ADCY8: variants seen among roughly 807,000 people sequenced by gnomAD.
ADCY8 encodes adenylate cyclase type 8.
A neutral mutation model predicts 119.7 loss-of-function variants in ADCY8; 51 were observed. That is an observed-to-expected ratio of 0.43 (90% CI 0.34 to 0.54). The LOEUF (loss-of-function observed/expected upper bound fraction) is 0.54, where lower values mean the gene tolerates loss of function less well. Ranked by LOEUF, ADCY8 falls within the 20% of genes least tolerant of loss-of-function variation. The pLI is 0.03. For synonymous variants in ADCY8, 665 were observed against 651.0 expected (o/e 1.02, Z -0.33); for missense variants, 1,383 against 1,598.8 (o/e 0.87, Z 2.30).
At chr8:130,799,976 G>A (rs1815719518) in intron 15 of ADCY8, among the ~76,000 whole-genome samples, 2 of 152,202 alleles carry the variant, frequency 1.3e-5, no homozygotes, top group Admixed American at 1.3e-4. Flanking sequence ...GAGCCTGGAG[G>A]AAGAAACCGC....
chr8:131,009,215 G>T (rs1044813088), intron 1 of ADCY8, among the ~76,000 whole-genome samples: 2 of 152,178 alleles, frequency 1.3e-5, no homozygotes, highest in African/African-American at 4.8e-5. Context: ...CCCATCACAG[G>T]CCTGGAGGCC....
At chr8:130,917,644 G>A (rs1009297575) in intron 5 of ADCY8, among the ~76,000 whole-genome samples, 8 of 152,182 alleles carry the variant, frequency 5.3e-5, no homozygotes, top group Admixed American at 3.3e-4. Flanking sequence ...TGTGCGCCAA[G>A]TCAGCATTTC....
intron 8 of ADCY8, among the ~76,000 whole-genome samples, chr8:130,870,458 C>T (rs960523361): frequency 6.6e-6 from 1 of 152,170 alleles, no homozygotes; most frequent in Non-Finnish European, 1.5e-5. Context: ...TTGATGTCTC[C>T]TCAAATGTCT....
rs367984130 is a variant in ADCY8 at position 130,857,040 on chromosome 8, A to G, written c.2211-7237T>C. On this transcript the variant is annotated intron_variant, in intron 9 of 17. Transcript: ENST00000286355. ...TAAAGTGTCTGCCTTTGTAATGACC[A>G]TCAATTCCTGAAATAGAACTTTGCA... Among the ~76,000 whole-genome samples, 28 of 148,880 alleles carry G rather than the reference A, an allele frequency of 1.9e-4. No homozygotes were observed. The South Asian group carries it at 6.2e-3, about 33-fold the overall frequency.
At chr8:130,994,288 G>A (rs1296855269) in intron 1 of ADCY8, among the ~76,000 whole-genome samples, 1 of 152,194 alleles carries the variant, frequency 6.6e-6, no homozygotes, top group Non-Finnish European at 1.5e-5. Context: ...TTCTTAAAAT[G>A]AGTGATCCAT....
At chr8:130,878,536 G>A (rs143233836) in intron 8 of ADCY8, among the ~76,000 whole-genome samples, 2 of 152,248 alleles carry the variant, frequency 1.3e-5, no homozygotes, top group East Asian at 1.9e-4. Context: ...TGACCAGCCC[G>A]AGTCTCATGC....
intron 5 of ADCY8, 76 bp from the exon 6 acceptor site, chr8:130,909,942 T>TC: frequency 2.1e-6 from 2 of 960,362 alleles, no homozygotes; most frequent in Non-Finnish European, 2.8e-6. Context: ...TTTCTTTTCT[T>TC]TTTTTTTTTT....
chr8:131,039,760 T>G lies in ADCY8; in HGVS notation c.574A>C (p.Thr192Pro). 6.2e-7 allele frequency: 1 copy of G among 1,614,100 alleles called. No homozygotes were observed. Among genetic ancestry groups the G allele is most frequent in the Non-Finnish European group, 8.5e-7 (1 of 1,180,010 alleles). Residue 192 changes from threonine to proline, a missense_variant, in exon 1 of 18, where the codon ACC becomes CCC. By Grantham distance (38) the Thr-to-Pro change is conservative. Around this residue, in one of 2 missense-constraint regions of ADCY8, gnomAD observed 455 missense variants for 435.3 expected, o/e 1.05. Transcript: ENST00000286355. ...EVVMNVLDVL[T>P]KLTLLVLHLS... ...TGTAGGACCAAGAGAGTGAGTTTGG[T>G]CAGCACGTCCAGCACGTTCATCACC...
intron 3 of ADCY8, among the ~76,000 whole-genome samples, chr8:130,948,058 C>T (rs1474938005): frequency 6.6e-6 from 1 of 152,168 alleles, no homozygotes; most frequent in Non-Finnish European, 1.5e-5. Context: ...TCTGCTTCCC[C>T]TTCCAATAAC....
chr8:130,870,330 A>G (rs1383908972), intron 8 of ADCY8, among the ~76,000 whole-genome samples: 2 of 151,800 alleles, frequency 1.3e-5, no homozygotes, highest in East Asian at 3.9e-4. Flanking sequence ...CTTTTATGTC[A>G]TCCACCCATC....
chr8:130,827,699 G>C (rs1256812063), intron 12 of ADCY8, among the ~76,000 whole-genome samples: 1 of 152,108 alleles, frequency 6.6e-6, no homozygotes, highest in Non-Finnish European at 1.5e-5. Flanking sequence ...ACAAGCCCAG[G>C]TGTCTACCCC....
chr8:131,028,973 G>C (rs1218542353), intron 1 of ADCY8, among the ~76,000 whole-genome samples: 2 of 152,308 alleles, frequency 1.3e-5, no homozygotes, highest in East Asian at 3.9e-4. Context: ...CAGTGTGCTT[G>C]CACAGCAGGT....
intron 2 of ADCY8, among the ~76,000 whole-genome samples, chr8:130,987,892 A>T (rs1000729371): frequency 2.6e-5 from 4 of 152,218 alleles, no homozygotes; most frequent in Non-Finnish European, 4.4e-5. Context: ...ATCCATAATA[A>T]ATTCTCACAT....
At chr8:131,025,967 G>T (rs189367218) in intron 1 of ADCY8, among the ~76,000 whole-genome samples, 1 of 152,136 alleles carries the variant, frequency 6.6e-6, no homozygotes, top group Non-Finnish European at 1.5e-5. Context: ...TTAATAGCAG[G>T]ATCCTGGATT....
intron 1 of ADCY8, among the ~76,000 whole-genome samples, chr8:131,014,759 G>A (rs139069528): frequency 6.6e-6 from 1 of 152,270 alleles, no homozygotes; most frequent in Non-Finnish European, 1.5e-5. Context: ...GAATGGTAAT[G>A]GGACTTACTT....
chr8:130,872,584 A>G (rs548600381), intron 8 of ADCY8, among the ~76,000 whole-genome samples: 1 of 152,264 alleles, frequency 6.6e-6, no homozygotes, highest in Non-Finnish European at 1.5e-5. Flanking sequence ...AGTAAAGCAT[A>G]TGGGCAAAGA....
At chr8:130,968,248 C>T (rs935319721) in intron 2 of ADCY8, among the ~76,000 whole-genome samples, 13 of 151,868 alleles carry the variant, frequency 8.6e-5, no homozygotes, top group Admixed American at 5.9e-4. Context: ...CCGCTCACTG[C>T]AAGCTCTGCC....
chr8:130,855,985 C>T (rs140019599), intron 9 of ADCY8, among the ~76,000 whole-genome samples: 48 of 152,218 alleles, frequency 3.2e-4, no homozygotes, highest in African/African-American at 1.0e-3. Context: ...AATGAAGACT[C>T]CTCTGCCAAC....
intron 2 of ADCY8, among the ~76,000 whole-genome samples, chr8:130,959,104 A>T (rs985533585): frequency 5.3e-5 from 8 of 152,210 alleles, no homozygotes; most frequent in Non-Finnish European, 8.8e-5. Context: ...GAGAGTGTAT[A>T]ATATTGTACA....
Sources: allele counts gnomAD v4.1 joint callset (sites outside exome capture counted in the v4.1 genomes callset), GRCh38; gene constraint gnomAD v4.1.1; regional missense constraint gnomAD v4.1.1; transcripts MANE v1.5; gene names NCBI Gene and HGNC (gene_info 2026-07-23, HGNC 2026-07-21).